SHISA9: variants seen among roughly 807,000 people sequenced by gnomAD.
SHISA9 encodes the protein shisa family member 9.
SHISA9 carries 13 observed loss-of-function variants against 38.0 expected under a neutral mutation model. The ratio of observed to expected loss-of-function variants is 0.34; its 90% CI spans 0.22 to 0.54. SHISA9 has a LOEUF of 0.54. Ranked by LOEUF, SHISA9 falls within the 20% of genes least tolerant of loss-of-function variation. The pLI, the probability that SHISA9 is intolerant of heterozygous loss-of-function variation, is 0.91. For missense variants in SHISA9, 538 were observed against 575.8 expected (o/e 0.93, Z 0.67); for synonymous variants, 275 against 242.0 (o/e 1.14, Z -1.27).
intron 4 of SHISA9, among the ~76,000 whole-genome samples, chr16:13,234,401 G>T (rs1211496427): frequency 6.6e-6 from 1 of 152,138 alleles, no homozygotes; most frequent in Non-Finnish European, 1.5e-5. Context: ...TATTGTAATG[G>T]CTTTCCTTAT....
chr16:13,061,263 C>A (rs2073372191), intron 2 of SHISA9, among the ~76,000 whole-genome samples: 1 of 152,156 alleles, frequency 6.6e-6, no homozygotes, highest in East Asian at 1.9e-4. Flanking sequence ...TATAAATACG[C>A]CTCACACACG....
chr16:13,098,222 G>A (rs574354006), intron 2 of SHISA9, among the ~76,000 whole-genome samples: 2 of 152,158 alleles, frequency 1.3e-5, no homozygotes, highest in Non-Finnish European at 2.9e-5. Context: ...CCTCAGGCAA[G>A]CAACAACTTC....
At chr16:12,907,942 A>G (rs1292444471) in intron 1 of SHISA9, among the ~76,000 whole-genome samples, 1 of 152,140 alleles carries the variant, frequency 6.6e-6, no homozygotes, top group Non-Finnish European at 1.5e-5. Flanking sequence ...GCCTCTAGAG[A>G]GTCAGTCAAG....
At chr16:13,123,471 T>C (rs1021344981) in intron 2 of SHISA9, among the ~76,000 whole-genome samples, 2 of 152,250 alleles carry the variant, frequency 1.3e-5, no homozygotes, top group Non-Finnish European at 2.9e-5. Flanking sequence ...GTCTAGTTGC[T>C]ATATCCTTGA....
At chr16:13,125,540 G>A (rs1486011839) in intron 2 of SHISA9, among the ~76,000 whole-genome samples, 1 of 152,188 alleles carries the variant, frequency 6.6e-6, no homozygotes, top group Admixed American at 6.5e-5. Flanking sequence ...AACTACAAGT[G>A]TAATTTGCCA....
chr16:13,299,671 C>A, the SHISA9 span, among the ~76,000 whole-genome samples: 10 of 151,694 alleles, frequency 6.6e-5, no homozygotes, highest in Non-Finnish European at 1.0e-4. Context: ...AGAGATTGCA[C>A]CCCTGCACTT....
At chr16:13,438,175 T>C in the SHISA9 span, among the ~76,000 whole-genome samples, 3 of 152,308 alleles carry the variant, frequency 2.0e-5, no homozygotes, top group South Asian at 6.2e-4. Flanking sequence ...CTCAGCACTT[T>C]TTATACCATT....
At chr16:12,959,530 A>G (rs1040072032) in intron 2 of SHISA9, among the ~76,000 whole-genome samples, 4 of 152,124 alleles carry the variant, frequency 2.6e-5, no homozygotes, top group African/African-American at 9.7e-5. Context: ...GCTGGAGAAA[A>G]AACAGAGCTC....
intron 3 of SHISA9, among the ~76,000 whole-genome samples, chr16:13,208,964 G>A (rs1399918501): frequency 6.6e-6 from 1 of 152,206 alleles, no homozygotes; most frequent in African/African-American, 2.4e-5. Flanking sequence ...CAGGATAGCA[G>A]AATATAGCAC....
At chr16:13,282,878 G>T in the SHISA9 span, among the ~76,000 whole-genome samples, 8 of 151,874 alleles carry the variant, frequency 5.3e-5, no homozygotes, top group Non-Finnish European at 8.8e-5. Flanking sequence ...TTTCCTGTCT[G>T]TCCACTCATT....
the SHISA9 span, among the ~76,000 whole-genome samples, chr16:13,557,391 A>G: frequency 5.9e-5 from 9 of 152,200 alleles, no homozygotes; most frequent in Non-Finnish European, 1.5e-5. Context: ...ACCAAACCCA[A>G]TGTCCCTTTA....
At chr16:13,360,298 G>A in the SHISA9 span, among the ~76,000 whole-genome samples, 16 of 152,292 alleles carry the variant, frequency 1.1e-4, no homozygotes, top group East Asian at 3.1e-3. Flanking sequence ...GTTCCCCACT[G>A]TGTTTCTCCA....
chr16:13,261,031 A>C, the SHISA9 span, among the ~76,000 whole-genome samples: 1 of 152,176 alleles, frequency 6.6e-6, no homozygotes, highest in African/African-American at 2.4e-5. Context: ...CTTATTCACT[A>C]TCACAAGAAT....
At chr16:12,951,969 T>C (rs2071763640) in intron 2 of SHISA9, among the ~76,000 whole-genome samples, 2 of 152,348 alleles carry the variant, frequency 1.3e-5, no homozygotes, top group South Asian at 4.1e-4. Context: ...AATATGGCAT[T>C]TGAAGATGCT....
chr16:13,270,010 C>T, the SHISA9 span, among the ~76,000 whole-genome samples: 1 of 152,094 alleles, frequency 6.6e-6, no homozygotes, highest in Admixed American at 6.5e-5. Flanking sequence ...GAGCCTGACC[C>T]AATTATAATT....
At chr16:13,221,992 C>T (rs1163753772) in intron 4 of SHISA9, among the ~76,000 whole-genome samples, 1 of 152,158 alleles carries the variant, frequency 6.6e-6, no homozygotes, top group Admixed American at 6.6e-5. Context: ...CTCACAGTTC[C>T]ACATGGCTGG....
the SHISA9 span, among the ~76,000 whole-genome samples, chr16:13,539,383 C>T: frequency 7.6e-6 from 1 of 130,866 alleles, no homozygotes; most frequent in Non-Finnish European, 1.7e-5. Context: ...ACTGTGTTGT[C>T]CAAGCTGGTC....
the SHISA9 span, among the ~76,000 whole-genome samples, chr16:13,506,844 G>A: frequency 2.6e-5 from 4 of 152,056 alleles, no homozygotes; most frequent in African/African-American, 9.7e-5. Context: ...AGACCAGCCT[G>A]GGCAACAGAG....
At chr16:13,177,155 T>A (rs997984045) in intron 2 of SHISA9, among the ~76,000 whole-genome samples, 1 of 152,186 alleles carries the variant, frequency 6.6e-6, no homozygotes, top group Non-Finnish European at 1.5e-5. Flanking sequence ...ATCTGCACTT[T>A]GTTTGCACCA....
Sources: gnomAD v4.1 joint callset for allele counts (sites outside exome capture counted in the v4.1 genomes callset) on GRCh38, gnomAD v4.1.1 for gene constraint, MANE v1.5 for transcripts, NCBI Gene and HGNC (gene_info 2026-07-23, HGNC 2026-07-21) for gene names.